Variants in AHCYL2 observed in about 807,000 individuals in gnomAD.
AHCYL2 encodes the protein S-adenosylhomocysteine hydrolase-like protein 2.
In AHCYL2, 28 loss-of-function variants were observed where a neutral mutation model predicts 81.4. The observed-to-expected ratio is 0.34, with a 90% CI of 0.25 to 0.47. The LOEUF (loss-of-function observed/expected upper bound fraction) is 0.47. Ranked by LOEUF, AHCYL2 falls within the 20% of genes least tolerant of loss-of-function variation. The pLI is 1.00. For missense variants in AHCYL2, 551 were observed against 785.1 expected (o/e 0.70, Z 3.56); for synonymous variants, 272 against 290.2 (o/e 0.94, Z 0.64).
chr7:129,269,552 G>T (rs1055155679), intron 1 of AHCYL2, among the ~76,000 whole-genome samples: 1 of 151,658 alleles, frequency 6.6e-6, no homozygotes, highest in Admixed American at 6.6e-5. Flanking sequence ...CTCTCAAAGT[G>T]TTGGGATTAT....
intron 1 of AHCYL2, chr7:129,375,628 G>C: frequency 6.7e-6 from 9 of 1,351,976 alleles, no homozygotes; most frequent in Non-Finnish European, 8.5e-6. Flanking sequence ...AAGCAAAACA[G>C]CCACTAGAAT....
In AHCYL2 at chr7:129,406,647, A is replaced by G. The variant is rs543894180; in HGVS notation, c.1295+181A>G. Among the ~76,000 whole-genome samples, 30 of 152,224 alleles carry G rather than the reference A, an allele frequency of 2.0e-4. No homozygotes were observed. The highest frequency in any genetic ancestry group is 4.0e-4 in the Non-Finnish European group (27 of 68,038). ...CTTGGAGAGAGCAGAGACTATCAGA[A>G]AAGCGAAAATTTAGAAATCCTGTGG... On this transcript the variant is annotated intron_variant, in intron 10 of 16. Coordinates refer to ENST00000325006, the MANE Select transcript of AHCYL2 (RefSeq NM_015328.4). This position sits in a 1 kb window ranked among gnomAD's most constrained non-coding sequence, Gnocchi z 4.3.
At chr7:129,256,549 A>ACAC (rs1213535960) in intron 1 of AHCYL2, among the ~76,000 whole-genome samples, 7,653 of 63,582 alleles carry the variant, frequency 0.12, 461 homozygotes, top group African/African-American at 0.15. Context: ...CCCACCCCCC[A>ACAC]CCCCCCCCCC....
At chr7:129,249,172 AT>A (rs1358039875) in intron 1 of AHCYL2, among the ~76,000 whole-genome samples, 1 of 151,274 alleles carries the variant, frequency 6.6e-6, no homozygotes, top group East Asian at 2.0e-4. Context: ...TAATATTCAT[AT>A]TTTTTGTAGA....
intron 1 of AHCYL2, among the ~76,000 whole-genome samples, chr7:129,281,132 G>A (rs1796428797): frequency 6.6e-6 from 1 of 151,922 alleles, no homozygotes; most frequent in Non-Finnish European, 1.5e-5. Flanking sequence ...CAAAGTGCTG[G>A]GATTACAGGC....
At chr7:129,389,788 C>A in intron 4 of AHCYL2, 54 bp downstream of exon 4, 2 of 1,448,908 alleles carry the variant, frequency 1.4e-6, no homozygotes, top group Admixed American at 2.1e-5. Flanking sequence ...TAGCCACGAG[C>A]TACTGAAAGC....
chr7:129,253,613 A>C (rs898014717), intron 1 of AHCYL2, among the ~76,000 whole-genome samples: 16 of 152,080 alleles, frequency 1.1e-4, no homozygotes, highest in African/African-American at 3.6e-4. Flanking sequence ...GTAATTAAGA[A>C]ATTATTTTTT....
Position 129,427,933 on chromosome 7 carries a change from A to G in AHCYL2, c.*888A>G, listed in dbSNP as rs1797428187. 1 of 152,558 alleles carries G rather than the reference A, an allele frequency of 6.6e-6. No individual in the cohort carries two copies. Among genetic ancestry groups the G allele is most frequent in the Admixed American group, 6.5e-5 (1 of 15,278 alleles). 9.5% of individuals were successfully genotyped at this position (152,558 alleles called of 1,614,324 possible). On this transcript the variant is annotated 3_prime_UTR_variant, in exon 17 of 17. Coordinates refer to ENST00000325006, the MANE Select transcript of AHCYL2 (RefSeq NM_015328.4). This position sits in a 1 kb window ranked among gnomAD's most constrained non-coding sequence, Gnocchi z 5.5. ...TTGTTGTGAAACACTGCTTCCTGAA[A>G]CTTCCTGCTATTGCCTAAAGCTACG... is the stretch of plus-strand genomic sequence containing the variant.
intron 1 of AHCYL2, among the ~76,000 whole-genome samples, chr7:129,228,972 C>T (rs921621987): frequency 2.6e-5 from 4 of 152,094 alleles, no homozygotes; most frequent in Admixed American, 6.5e-5. Flanking sequence ...CAGTATGACT[C>T]CTTTTGCCTG....
chr7:129,414,575 C>T (rs1436497974), intron 12 of AHCYL2, among the ~76,000 whole-genome samples: 1 of 152,042 alleles, frequency 6.6e-6, no homozygotes, highest in Admixed American at 6.6e-5. Context: ...TGCTCGCTAC[C>T]ATGCCTGGCT....
At chr7:129,282,676 T>G (rs1796486404) in intron 1 of AHCYL2, among the ~76,000 whole-genome samples, 1 of 152,202 alleles carries the variant, frequency 6.6e-6, no homozygotes, top group Non-Finnish European at 1.5e-5. Flanking sequence ...AGTTGATTGA[T>G]TTTTTTCTTC....
chr7:129,364,639 A>G (rs1424448048), intron 1 of AHCYL2, among the ~76,000 whole-genome samples: 1 of 152,130 alleles, frequency 6.6e-6, no homozygotes, highest in Non-Finnish European at 1.5e-5. Flanking sequence ...ACACTAGTCT[A>G]CACTATCAAT....
intron 1 of AHCYL2, among the ~76,000 whole-genome samples, chr7:129,379,214 A>G (rs1794832749): frequency 1.3e-5 from 2 of 150,556 alleles, no homozygotes. Flanking sequence ...CAGAAGGTGG[A>G]GGTTGCAGTG....
chr7:129,293,997 G>A (rs554803702), intron 1 of AHCYL2, among the ~76,000 whole-genome samples: 8 of 151,500 alleles, frequency 5.3e-5, no homozygotes, highest in African/African-American at 2.0e-4. Context: ...GGTTTGTTTG[G>A]TAGTAATGGA....
intron 1 of AHCYL2, among the ~76,000 whole-genome samples, chr7:129,312,673 C>G (rs182260467): frequency 6.6e-6 from 1 of 152,136 alleles, no homozygotes; most frequent in Non-Finnish European, 1.5e-5. Context: ...ACTATTTAGA[C>G]TTTTTTTATT....
chr7:129,314,958 G>A (rs1797781303), intron 1 of AHCYL2, among the ~76,000 whole-genome samples: 1 of 152,118 alleles, frequency 6.6e-6, no homozygotes, highest in African/African-American at 2.4e-5. Flanking sequence ...GTTTCCTCCT[G>A]TTAGATTAAG....
chr7:129,406,457 T>C lies in AHCYL2; in HGVS notation c.1286T>C (p.Leu429Pro). 3 of 1,614,094 alleles carry C rather than the reference T, an allele frequency of 1.9e-6. No homozygotes were observed. The highest frequency in any genetic ancestry group is 2.5e-6 in the Non-Finnish European group (3 of 1,180,010). Residue 429 changes from leucine (L) to proline (P), a missense_variant, in exon 10 of 17, where the codon CTG (leucine) becomes CCG (proline). Physicochemically the swap from Leu to Pro is moderately conservative, Grantham distance 98 (BLOSUM62 -3). Transcript: ENST00000325006. The surrounding 1 kb of genome is among the most constrained non-coding windows in gnomAD (Gnocchi z 4.3). The part of the protein sequence containing the change: ...YVTEIDPICA[L>P]QACMDGFRLV... ...ACTGAAATTGACCCCATCTGTGCCC[T>C]GCAAGCCTGGTAAGCCTCTACGCTA...
chr7:129,281,440 TTTTC>T (rs1447016732), intron 1 of AHCYL2, among the ~76,000 whole-genome samples: 1 of 151,758 alleles, frequency 6.6e-6, no homozygotes, highest in Admixed American at 6.6e-5. Flanking sequence ...CTGATCTTTA[TTTTC>T]TTTCTTCTGG....
chr7:129,398,058 G>T (rs1795829038), intron 5 of AHCYL2, among the ~76,000 whole-genome samples: 1 of 152,112 alleles, frequency 6.6e-6, no homozygotes, highest in African/African-American at 2.4e-5. Context: ...ACCCAGGCTG[G>T]GGTGCAGTAG....
Sources: gnomAD v4.1 joint callset for allele counts (sites outside exome capture counted in the v4.1 genomes callset) on GRCh38, gnomAD v4.1.1 for gene constraint, Gnocchi (gnomAD v3.1) non-coding constraint, MANE v1.5 for transcripts, NCBI Gene and HGNC (gene_info 2026-07-23, HGNC 2026-07-21) for gene names.